The following ADAMTS19 variants were observed in gnomAD, a reference collection of about 807,000 sequenced individuals.
ADAMTS19 encodes the protein ADAM metallopeptidase with thrombospondin type 1 motif 19.
ADAMTS19 carries 93 observed loss-of-function variants against 153.3 expected under a neutral mutation model. The observed-to-expected ratio is 0.61, with a 90% CI of 0.51 to 0.72. ADAMTS19 has a LOEUF of 0.72. ADAMTS19 is among the 30% of genes least tolerant of loss of function. The probability of loss-of-function intolerance (pLI) is 0.00; values close to 1 mark genes in which losing one functional copy is unlikely to be tolerated. For synonymous variants in ADAMTS19, 600 were observed against 556.6 expected, an observed-to-expected ratio of 1.08 and a Z score of -1.10; for missense variants, 1,482 against 1,552.1, an observed-to-expected ratio of 0.95 and a Z score of 0.76.
At chr5:129,649,426 C>A (rs1383195514) in intron 13 of ADAMTS19, among the ~76,000 whole-genome samples, 1 of 152,178 alleles carries the variant, frequency 6.6e-6, no homozygotes, top group Non-Finnish European at 1.5e-5. Flanking sequence ...GATCTCAGAG[C>A]ATTATGCTGA....
At position 129,485,056 on chromosome 5, in the gene ADAMTS19, A is replaced by G. The variant is rs567609482; in HGVS notation, c.747+23299A>G. On this transcript the variant is annotated intron_variant, in intron 2 of 22. Coordinates refer to ENST00000274487, the MANE Select transcript of ADAMTS19 (RefSeq NM_133638.6). ...CTAGTTTACAATTAAAGAAAATTTT[A>G]TATCTATTACACATGGAACAGTTAT... Among the ~76,000 whole-genome samples the G allele has an allele frequency of 2.2e-3, 342 of 152,300 alleles. 2 individuals are homozygous for G. Among genetic ancestry groups the G allele is most frequent in the African/African-American group, 7.2e-3 (301 of 41,580 alleles).
At chr5:129,477,454 G>A (rs920821681) in intron 2 of ADAMTS19, among the ~76,000 whole-genome samples, 9 of 152,142 alleles carry the variant, frequency 5.9e-5, no homozygotes, top group Admixed American at 2.0e-4. Flanking sequence ...CATAAAGGAG[G>A]TTAGTGGGCG....
intron 4 of ADAMTS19, 142 bp from the exon 5 acceptor site, chr5:129,527,606 G>T (rs1316270833): frequency 3.0e-5 from 12 of 394,934 alleles, no homozygotes; most frequent in Admixed American, 5.0e-5. Flanking sequence ...AAATTACTTT[G>T]CTTTACAAGC....
At chr5:129,680,172 A>G (rs1754736372) in intron 17 of ADAMTS19, among the ~76,000 whole-genome samples, 1 of 152,210 alleles carries the variant, frequency 6.6e-6, no homozygotes, top group Non-Finnish European at 1.5e-5. Context: ...ATGACAGGGA[A>G]TCCAAAGAAA....
chr5:129,703,761 G>T (rs185358388), intron 20 of ADAMTS19, among the ~76,000 whole-genome samples: 114 of 152,178 alleles, frequency 7.5e-4, no homozygotes, highest in Non-Finnish European at 1.3e-3. Flanking sequence ...TTTTATTTTT[G>T]CTAAGATTTT....
At chr5:129,683,639 C>G (rs1011569361) in intron 17 of ADAMTS19, among the ~76,000 whole-genome samples, 34 of 151,910 alleles carry the variant, frequency 2.2e-4, no homozygotes, top group Non-Finnish European at 2.9e-4. Context: ...ATCTATCTAT[C>G]TTCCTCTTTT....
intron 8 of ADAMTS19, among the ~76,000 whole-genome samples, chr5:129,618,269 G>T (rs1751620265): frequency 6.6e-6 from 1 of 151,624 alleles, no homozygotes; most frequent in Non-Finnish European, 1.5e-5. Context: ...TTTCTCTGTT[G>T]TTTATTCTAT....
chr5:129,581,742 C>T (rs750398656), intron 7 of ADAMTS19, among the ~76,000 whole-genome samples: 6 of 152,058 alleles, frequency 3.9e-5, no homozygotes, highest in African/African-American at 1.2e-4. Flanking sequence ...GGACATTTAG[C>T]GCTATAAATT....
chr5:129,713,603 A>C (rs550847869), intron 21 of ADAMTS19, among the ~76,000 whole-genome samples: 14 of 152,238 alleles, frequency 9.2e-5, no homozygotes, highest in Admixed American at 9.2e-4. Context: ...TCTCCTAAAA[A>C]TACAAAAATT....
At chr5:129,722,443 G>C (rs1012229300) in intron 21 of ADAMTS19, among the ~76,000 whole-genome samples, 1 of 152,004 alleles carries the variant, frequency 6.6e-6, no homozygotes, top group African/African-American at 2.4e-5. Flanking sequence ...TTTTGATGGG[G>C]TTGTTTTTGT....
chr5:129,518,347 TGAAGTACC>T (rs1409588787), intron 3 of ADAMTS19, among the ~76,000 whole-genome samples: 1 of 152,146 alleles, frequency 6.6e-6, no homozygotes, highest in Admixed American at 6.6e-5. Context: ...TCTTTCTGAA[TGAAGTACC>T]TCCTTAAGCA....
intron 7 of ADAMTS19, among the ~76,000 whole-genome samples, chr5:129,570,435 A>C (rs1166108202): frequency 6.6e-6 from 1 of 151,878 alleles, no homozygotes; most frequent in Non-Finnish European, 1.5e-5. Context: ...TTTATTTTAA[A>C]ATCACCCAAA....
intron 16 of ADAMTS19, among the ~76,000 whole-genome samples, chr5:129,668,132 C>T (rs181162929): frequency 3.9e-5 from 6 of 152,292 alleles, no homozygotes; most frequent in Admixed American, 3.3e-4. Context: ...AGCATTCCTT[C>T]GCTTGTGACC....
chr5:129,628,488 CAAGTGGAGCAA>C (rs1377930237), intron 10 of ADAMTS19, among the ~76,000 whole-genome samples: 5 of 151,902 alleles, frequency 3.3e-5, no homozygotes, highest in Non-Finnish European at 5.9e-5. Flanking sequence ...AAGCTGAAGA[CAAGTGGAGCAA>C]AATGAAGGCT....
At chr5:129,478,412 T>C (rs1355894066) in intron 2 of ADAMTS19, among the ~76,000 whole-genome samples, 2 of 152,224 alleles carry the variant, frequency 1.3e-5, no homozygotes, top group Non-Finnish European at 2.9e-5. Flanking sequence ...ATGAAATAAT[T>C]AAACAGCTTT....
chr5:129,540,407 A>T (rs1348680995), intron 6 of ADAMTS19, among the ~76,000 whole-genome samples: 1 of 152,054 alleles, frequency 6.6e-6, no homozygotes, highest in Non-Finnish European at 1.5e-5. Flanking sequence ...ATGTTCTCTT[A>T]ACTCTCAACT....
At chr5:129,509,366 C>G (rs1751362307) in intron 3 of ADAMTS19, 124 bp downstream of exon 3, 1 of 851,180 alleles carries the variant, frequency 1.2e-6, no homozygotes, top group Non-Finnish European at 1.7e-6. Flanking sequence ...TAATTAGTAA[C>G]AATTAAATGT....
chr5:129,733,130 C>T (rs529623286), intron 21 of ADAMTS19, among the ~76,000 whole-genome samples: 1 of 152,136 alleles, frequency 6.6e-6, no homozygotes, highest in African/African-American at 2.4e-5. Context: ...AACTGGACCC[C>T]TATCTCTCAC....
At position 129,693,073 on chromosome 5, in the gene ADAMTS19, ATTAT is replaced by A. The variant is rs1362702856; in HGVS notation, c.2819-1643_2819-1640del. Among the ~76,000 whole-genome samples the A allele has an allele frequency of 2.4e-4, 37 of 152,224 alleles. 1 individual carries two copies. Among genetic ancestry groups the A allele is most frequent in the Non-Finnish European group, 5.9e-5 (4 of 68,048 alleles). ...CATTATATGCAATAACCACAGAATT[ATTAT>A]TTAATTTACACATGTATACAAATGC... On this transcript the variant is annotated intron_variant, in intron 18 of 22. Transcript: ENST00000274487.
Sources: gnomAD v4.1 joint callset for allele counts (sites outside exome capture counted in the v4.1 genomes callset) on GRCh38, gnomAD v4.1.1 for gene constraint, MANE v1.5 for transcripts, NCBI Gene and HGNC (gene_info 2026-07-23, HGNC 2026-07-21) for gene names.